The following KIF6 variants were observed in gnomAD, a reference collection of about 807,000 sequenced individuals.
KIF6 encodes kinesin family member 6, also known as kinesin-like protein KIF6.
Under a neutral mutation model 112.7 loss-of-function variants are expected in KIF6, and 106 were observed. The ratio of observed to expected loss-of-function variants is 0.94; its 90% CI spans 0.80 to 1.11. The LOEUF (loss-of-function observed/expected upper bound fraction) is 1.11. Ranked by LOEUF, KIF6 falls within the 50% of genes least tolerant of loss-of-function variation. The pLI is 0.00. For synonymous variants in KIF6, 339 were observed against 339.9 expected (o/e 1.00, Z 0.03); for missense variants, 929 against 964.0 (o/e 0.96, Z 0.48).
intron 15 of KIF6, among the ~76,000 whole-genome samples, chr6:39,412,832 C>A (rs1769580951): frequency 6.6e-6 from 1 of 152,126 alleles, no homozygotes; most frequent in Non-Finnish European, 1.5e-5. Flanking sequence ...TTTTGTGGTC[C>A]AGCGTGGCTG....
intron 3 of KIF6, among the ~76,000 whole-genome samples, chr6:39,650,703 T>A (rs952806119): frequency 2.0e-5 from 3 of 152,040 alleles, no homozygotes; most frequent in Admixed American, 1.3e-4. Context: ...ACCACAAAAT[T>A]TTATACAACA....
chr6:39,704,331 G>A (rs150238892), intron 3 of KIF6, among the ~76,000 whole-genome samples: 1 of 152,106 alleles, frequency 6.6e-6, no homozygotes, highest in South Asian at 2.1e-4. Context: ...ATAAAAAGCT[G>A]GTTCAGGCCA....
chr6:39,343,248 G>C lies in KIF6; in HGVS notation c.2428+461C>G, dbSNP rs1255112526. 3.2e-6 allele frequency: 4 copies of C among 1,268,816 alleles called. No individual in the cohort carries two copies. The highest frequency in any genetic ancestry group is 3.1e-6 in the Non-Finnish European group (3 of 980,452). 78.6% of individuals were successfully genotyped at this position (1,268,816 alleles called of 1,614,324 possible). A position where few individuals can be genotyped will look rare whatever the true frequency, so the allele number is the denominator to read the frequency against. On this transcript the variant is annotated intron_variant, in intron 22 of 22. Transcript: ENST00000287152. This position sits in a 1 kb window ranked among gnomAD's most constrained non-coding sequence, Gnocchi z 4.1. The stretch of plus-strand genomic sequence containing the variant: ...CCTCTGTGATTGTTATGGTGTCCTC[G>C]GGCCTGGGCCTTCAAGCAGTGTTTA...
chr6:39,418,061 G>GC (rs55634403), intron 15 of KIF6, among the ~76,000 whole-genome samples: 114,016 of 151,854 alleles, frequency 0.75, 43,792 homozygotes, highest in South Asian at 0.88. Context: ...GGACTGGGAT[G>GC]CCCCCCAGCA....
chr6:39,584,967 G>T lies in KIF6; in HGVS notation c.1008C>A (p.Cys336Ter), dbSNP rs754623439. The change falls in exon 9 of 23, where the codon TGC (cysteine) becomes TGA (stop). Residue 336 changes from cysteine (C) to a stop codon, truncating the protein, a stop_gained. Transcript: ENST00000287152. LOFTEE classifies it high-confidence loss of function. Reference protein sequence around the residue: ...KRNLDESISTCRFAQRVALIK... With the variant: ...KRNLDESIST ...TGAGTGCCACTCGCTGTGCAAATCTGCAGGTTGATATAGACTCCTAAGAAA... is the reference window on the plus strand; with the variant it reads ...TGAGTGCCACTCGCTGTGCAAATCTTCAGGTTGATATAGACTCCTAAGAAA... 1.2e-6 allele frequency: 2 copies of T among 1,608,710 alleles called. No individual in the cohort carries two copies. The highest frequency in any genetic ancestry group is 2.7e-5 in the African/African-American group (2 of 74,946).
chr6:39,502,311 C>T (rs902825411), intron 13 of KIF6, among the ~76,000 whole-genome samples: 14 of 152,070 alleles, frequency 9.2e-5, no homozygotes, highest in African/African-American at 3.4e-4. Context: ...ACCACAAGAC[C>T]TGCATTGCAA....
intron 13 of KIF6, among the ~76,000 whole-genome samples, chr6:39,500,061 ATCATCAGGGAAAGACAGAG>A (rs1776031383): frequency 6.6e-6 from 1 of 152,200 alleles, no homozygotes; most frequent in African/African-American, 2.4e-5. Context: ...TGGAGTGGCC[ATCATCAGGGAAAGACAGAG>A]TAGGATGCAC....
Position 39,342,418 on chromosome 6 carries a change from G to A in KIF6, c.2428+1291C>T, listed in dbSNP as rs539353352. On this transcript the variant is annotated intron_variant, in intron 22 of 22. Transcript: ENST00000287152. The surrounding 1 kb of genome is among the most constrained non-coding windows in gnomAD (Gnocchi z 4.7). ...CTAGAATGTCAGTTTCTCACGTGCTGGGTTCTGTCTTGTTCTCTGCTGTAG... is the reference window on the plus strand; with the variant it reads ...CTAGAATGTCAGTTTCTCACGTGCTAGGTTCTGTCTTGTTCTCTGCTGTAG... Among the ~76,000 whole-genome samples, 1 of 152,120 alleles carries A rather than the reference G, an allele frequency of 6.6e-6. No homozygotes were observed. The highest frequency in any genetic ancestry group is 2.1e-4 in the South Asian group (1 of 4,822).
intron 19 of KIF6, among the ~76,000 whole-genome samples, chr6:39,352,691 C>T (rs1477982070): frequency 1.3e-5 from 2 of 151,440 alleles, no homozygotes; most frequent in East Asian, 3.9e-4. Context: ...GCAACCTCTG[C>T]CTCCTCGGTT....
intron 16 of KIF6, among the ~76,000 whole-genome samples, chr6:39,366,797 T>G (rs1581688390): frequency 6.6e-6 from 1 of 151,908 alleles, no homozygotes; most frequent in East Asian, 1.9e-4. Flanking sequence ...TGGAGGATCT[T>G]GGGAGCCATG....
At chr6:39,714,058 G>A (rs1789696124) in intron 3 of KIF6, among the ~76,000 whole-genome samples, 1 of 152,154 alleles carries the variant, frequency 6.6e-6, no homozygotes, top group Non-Finnish European at 1.5e-5. Flanking sequence ...TTTTCCATAT[G>A]GATTCCTTAT....
chr6:39,523,936 T>A (rs1777554773), intron 13 of KIF6, among the ~76,000 whole-genome samples: 1 of 151,920 alleles, frequency 6.6e-6, no homozygotes, highest in Non-Finnish European at 1.5e-5. Flanking sequence ...GAATTTTTAT[T>A]CAATGAATGA....
At chr6:39,473,194 A>T (rs1774233935) in intron 13 of KIF6, among the ~76,000 whole-genome samples, 1 of 152,222 alleles carries the variant, frequency 6.6e-6, no homozygotes, top group Admixed American at 6.5e-5. Context: ...TCAAAAAAAA[A>T]GGTGCACATT....
chr6:39,420,346 T>C (rs1262316462), intron 14 of KIF6, among the ~76,000 whole-genome samples: 1 of 152,228 alleles, frequency 6.6e-6, no homozygotes, highest in Non-Finnish European at 1.5e-5. Flanking sequence ...ACCAAGATCT[T>C]ATAACCAAAG....
chr6:39,455,110 A>G (rs1271063509), intron 13 of KIF6, among the ~76,000 whole-genome samples: 2 of 152,136 alleles, frequency 1.3e-5, no homozygotes, highest in African/African-American at 4.8e-5. Flanking sequence ...CTGCAGACTT[A>G]AATGTCCCTG....
intron 9 of KIF6, 39 bp from the exon 10 acceptor site, chr6:39,578,198 C>A: frequency 1.5e-6 from 2 of 1,323,682 alleles, no homozygotes; most frequent in South Asian, 1.2e-5. Flanking sequence ...GTCAACTTCT[C>A]ATTAAGGTGA....
At chr6:39,582,481 G>A (rs969025492) in intron 9 of KIF6, among the ~76,000 whole-genome samples, 1 of 151,932 alleles carries the variant, frequency 6.6e-6, no homozygotes, top group African/African-American at 2.4e-5. Flanking sequence ...GTGCAATCTC[G>A]GTTCACTGTA....
At chr6:39,648,223 C>T (rs34725126) in intron 3 of KIF6, among the ~76,000 whole-genome samples, 7 of 61,718 alleles carry the variant, frequency 1.1e-4, no homozygotes, top group African/African-American at 4.5e-4. Context: ...GGGGGGCGGG[C>T]GGGGGGGGGT....
chr6:39,592,119 C>A (rs1213410264), intron 7 of KIF6, among the ~76,000 whole-genome samples: 30 of 151,824 alleles, frequency 2.0e-4, no homozygotes, highest in Admixed American at 1.9e-3. Context: ...CTCAAAAAAA[C>A]AAACAAACAA....
Sources: allele counts gnomAD v4.1 joint callset (sites outside exome capture counted in the v4.1 genomes callset), GRCh38; gene constraint gnomAD v4.1.1; non-coding constraint Gnocchi (gnomAD v3.1); transcripts MANE v1.5; gene names NCBI Gene and HGNC (gene_info 2026-07-23, HGNC 2026-07-21).